SLC16A12: variants seen among roughly 807,000 people sequenced by gnomAD.
SLC16A12 encodes the protein solute carrier family 16 member 12.
SLC16A12 carries 17 observed loss-of-function variants against 42.4 expected under a neutral mutation model. The ratio of observed to expected loss-of-function variants is 0.40; its 90% CI spans 0.27 to 0.60. SLC16A12 has a LOEUF of 0.60. Among genes scored for constraint, SLC16A12 ranks in the 20% least tolerant of loss-of-function variants. SLC16A12 has a pLI of 0.42. For synonymous variants in SLC16A12, 224 were observed against 229.4 expected (o/e 0.98, Z 0.21); for missense variants, 544 against 623.0 (o/e 0.87, Z 1.35).
intron 2 of SLC16A12, among the ~76,000 whole-genome samples, chr10:89,506,243 C>A (rs564866556): frequency 1.3e-5 from 2 of 152,318 alleles, no homozygotes; most frequent in East Asian, 3.9e-4. Context: ...AGACTGCCTC[C>A]TCAACTGGGT....
chr10:89,506,945 G>T (rs1056382624), intron 2 of SLC16A12, among the ~76,000 whole-genome samples: 1 of 151,908 alleles, frequency 6.6e-6, no homozygotes, highest in Non-Finnish European at 1.5e-5. Flanking sequence ...AGCTTCAATA[G>T]CCAAAGTGAT....
intron 7 of SLC16A12, 80 bp downstream of exon 7, chr10:89,435,980 T>A: frequency 6.3e-7 from 1 of 1,584,874 alleles, no homozygotes; most frequent in Non-Finnish European, 8.6e-7. Context: ...GTCCTTCTCA[T>A]TGACTGCATG....
intron 3 of SLC16A12, among the ~76,000 whole-genome samples, chr10:89,448,230 T>A (rs1450703495): frequency 1.3e-5 from 2 of 152,070 alleles, no homozygotes; most frequent in African/African-American, 4.8e-5. Context: ...ATCAGGAGAA[T>A]AACAGGGAAT....
At chr10:89,465,950 A>G (rs1020719410) in intron 2 of SLC16A12, among the ~76,000 whole-genome samples, 2 of 152,238 alleles carry the variant, frequency 1.3e-5, no homozygotes, top group Non-Finnish European at 2.9e-5. Context: ...TTCTTCCTGT[A>G]GATTCTGGAT....
intron 2 of SLC16A12, among the ~76,000 whole-genome samples, chr10:89,467,056 T>C (rs1357395533): frequency 6.6e-6 from 1 of 152,230 alleles, no homozygotes; most frequent in Non-Finnish European, 1.5e-5. Flanking sequence ...TGTTATGATG[T>C]GATACAATCA....
At chr10:89,497,083 G>T (rs951419260) in intron 2 of SLC16A12, among the ~76,000 whole-genome samples, 8 of 152,156 alleles carry the variant, frequency 5.3e-5, no homozygotes, top group African/African-American at 1.9e-4. Flanking sequence ...TAATAATAAA[G>T]TATCATTATT....
intron 2 of SLC16A12, among the ~76,000 whole-genome samples, chr10:89,478,683 A>C (rs1254626321): frequency 6.6e-6 from 1 of 152,212 alleles, no homozygotes; most frequent in Non-Finnish European, 1.5e-5. Context: ...TAAATGGACA[A>C]CTATAAAATC....
intron 2 of SLC16A12, among the ~76,000 whole-genome samples, chr10:89,468,580 G>A (rs774757750): frequency 6.6e-6 from 1 of 152,174 alleles, no homozygotes; most frequent in Non-Finnish European, 1.5e-5. Flanking sequence ...CAAAAGGAAG[G>A]GGGGAGAAGC....
In SLC16A12 at chr10:89,464,801, T is replaced by C. The variant is rs140192064; in HGVS notation, c.-46-2177A>G. 2.7e-3 allele frequency among the ~76,000 whole-genome samples: 410 copies of C among 152,244 alleles called. 2 individuals are homozygous for C. Among genetic ancestry groups the C allele is most frequent in the African/African-American group, 9.6e-3 (398 of 41,540 alleles). On this transcript the variant is annotated intron_variant, in intron 2 of 7. Transcript: ENST00000371790. ...GTGAGGCCAAGGCAACAAGAATGATTCCCACATACATCACTTAGGTTTGCC... is the reference window on the plus strand; with the variant it reads ...GTGAGGCCAAGGCAACAAGAATGATCCCCACATACATCACTTAGGTTTGCC...
At chr10:89,461,222 T>C (rs1339851763) in intron 3 of SLC16A12, among the ~76,000 whole-genome samples, 2 of 152,092 alleles carry the variant, frequency 1.3e-5, no homozygotes, top group African/African-American at 4.8e-5. Context: ...AACACTGACT[T>C]TGGAGAAAAG....
chr10:89,482,626 CA>C (rs887632376), intron 2 of SLC16A12, among the ~76,000 whole-genome samples: 487 of 150,604 alleles, frequency 3.2e-3, no homozygotes, highest in African/African-American at 0.011. Flanking sequence ...ACAAAAAATA[CA>C]AAAAAAAATT....
chr10:89,548,979 G>C lies in SLC16A12; in HGVS notation c.-47+6903C>G, dbSNP rs184424754. Among the ~76,000 whole-genome samples the C allele has an allele frequency of 1.7e-3, 258 of 152,294 alleles. 1 individual carries two copies. The highest frequency in any genetic ancestry group is 6.0e-3 in the African/African-American group (250 of 41,558). Reference sequence around the variant, plus strand: ...GAGTGATAATGAGCAGGACCTGCTCGCAGCAGGATCAGGCAGCTTTTGCAA... The same window carrying C: ...GAGTGATAATGAGCAGGACCTGCTCCCAGCAGGATCAGGCAGCTTTTGCAA... On this transcript the variant is annotated intron_variant, in intron 2 of 2. Transcript: ENST00000475682.
At chr10:89,544,820 G>T (rs1186791061) in intron 2 of SLC16A12, among the ~76,000 whole-genome samples, 1 of 151,142 alleles carries the variant, frequency 6.6e-6, no homozygotes, top group African/African-American at 2.5e-5. Flanking sequence ...TAACTCTGGG[G>T]TAGATTGATT....
intron 2 of SLC16A12, among the ~76,000 whole-genome samples, chr10:89,485,140 A>G (rs577784539): frequency 1.8e-4 from 28 of 152,274 alleles, no homozygotes; most frequent in African/African-American, 5.8e-4. Context: ...ACAATGGCCA[A>G]TTTGGCTCCC....
intron 2 of SLC16A12, among the ~76,000 whole-genome samples, chr10:89,553,625 A>G (rs1305044979): frequency 2.0e-5 from 3 of 152,178 alleles, no homozygotes; most frequent in African/African-American, 7.2e-5. Context: ...AAATTAGGCG[A>G]TTGCATTAGG....
rs747721200 is a variant in SLC16A12, at chr10:89,430,603, C to A, written c.*2461G>T. 1 of 460,186 alleles carries A rather than the reference C, an allele frequency of 2.2e-6. No homozygotes were observed. The allele number at this position is 460,186 out of a possible 1,614,324, so 28.5% of individuals were successfully genotyped here. ...AGTATAGACACATGGAACATTAACA[C>A]TAAAATTCTGTGTAGAAATGTAAAA... On this transcript the variant is annotated 3_prime_UTR_variant, in exon 8 of 8. Transcript: ENST00000371790.
rs1589659245 is a variant in SLC16A12 at position 89,438,478 on chromosome 10, C to A, written c.1028+126G>T. The stretch of plus-strand genomic sequence containing the variant: ...TCTAGAAGTACCAGCAAGGGAGATG[C>A]CTTCAGATACTGCAGACTTGTTAAC... On this transcript the variant is annotated intron_variant, in intron 6 of 7. Coordinates refer to ENST00000371790, the MANE Select transcript of SLC16A12 (RefSeq NM_213606.4). 20 of 862,530 alleles carry A rather than the reference C, an allele frequency of 2.3e-5. No homozygotes were observed. The East Asian group carries it at 5.3e-4, about 23-fold the overall frequency. The allele number at this position is 862,530 out of a possible 1,614,324, so 53.4% of individuals were successfully genotyped here.
At chr10:89,487,964 G>A (rs867893788) in intron 2 of SLC16A12, among the ~76,000 whole-genome samples, 3 of 126,698 alleles carry the variant, frequency 2.4e-5, no homozygotes, top group Non-Finnish European at 3.2e-5. Flanking sequence ...TGGTGTGTGT[G>A]TATATATATA....
intron 2 of SLC16A12, among the ~76,000 whole-genome samples, chr10:89,493,372 G>A (rs1842876376): frequency 6.6e-6 from 1 of 152,038 alleles, no homozygotes; most frequent in Non-Finnish European, 1.5e-5. Context: ...ACAGGCATGT[G>A]TCACTATGCC....
Sources: allele counts gnomAD v4.1 joint callset (sites outside exome capture counted in the v4.1 genomes callset), GRCh38; gene constraint gnomAD v4.1.1; transcripts MANE v1.5; gene names NCBI Gene and HGNC (gene_info 2026-07-23, HGNC 2026-07-21).